CLVS1: variants seen among roughly 807,000 people sequenced by gnomAD.
The protein encoded by CLVS1 is clavesin-1.
CLVS1 carries 10 observed loss-of-function variants against 33.1 expected under a neutral mutation model. The ratio of observed to expected loss-of-function variants is 0.30; its 90% confidence interval spans 0.19 to 0.51. CLVS1 has a LOEUF of 0.51. Among genes scored for constraint, CLVS1 ranks in the 20% least tolerant of loss-of-function variants. CLVS1 has a pLI of 0.97. For missense variants in CLVS1, 343 were observed against 433.4 expected, an observed-to-expected ratio of 0.79 and a Z score of 1.85; for synonymous variants, 163 against 166.1, an observed-to-expected ratio of 0.98 and a Z score of 0.14.
At chr8:61,142,377 A>C (rs1806322841) in intron 2 of CLVS1, among the ~76,000 whole-genome samples, 1 of 152,154 alleles carries the variant, frequency 6.6e-6, no homozygotes, top group Non-Finnish European at 1.5e-5. Context: ...AGTTAATTAA[A>C]CCTCTTTCCT....
chr8:61,147,247 G>A (rs1307748044), intron 2 of CLVS1, among the ~76,000 whole-genome samples: 1 of 152,164 alleles, frequency 6.6e-6, no homozygotes, highest in Non-Finnish European at 1.5e-5. Context: ...TCATGAGCAA[G>A]GTCTTTAAAT....
chr8:61,237,980 G>C (rs893809865), intron 2 of CLVS1, among the ~76,000 whole-genome samples: 7 of 152,134 alleles, frequency 4.6e-5, no homozygotes, highest in Admixed American at 2.6e-4. Context: ...TCCAAGCCGA[G>C]GCTGAATTAG....
At chr8:61,467,771 T>C (rs553378484) in intron 5 of CLVS1, among the ~76,000 whole-genome samples, 1 of 152,166 alleles carries the variant, frequency 6.6e-6, no homozygotes, top group African/African-American at 2.4e-5. Context: ...GAAGCCTCTG[T>C]TTGCAGGGTA....
intron 5 of CLVS1, among the ~76,000 whole-genome samples, chr8:61,476,472 T>C (rs1225684582): frequency 1.3e-5 from 2 of 152,222 alleles, no homozygotes; most frequent in African/African-American, 4.8e-5. Context: ...TTTTATTTCA[T>C]TGAGCAGTGG....
chr8:61,480,411 C>T (rs751122255), intron 5 of CLVS1, among the ~76,000 whole-genome samples: 9 of 152,276 alleles, frequency 5.9e-5, no homozygotes, highest in African/African-American at 2.2e-4. Context: ...CTTGGTGTGC[C>T]GTTTGTTAAG....
At chr8:61,143,517 A>C (rs1366413171) in intron 2 of CLVS1, among the ~76,000 whole-genome samples, 1 of 152,074 alleles carries the variant, frequency 6.6e-6, no homozygotes. Flanking sequence ...GCTTACTAGT[A>C]GCAAACACCT....
chr8:61,218,112 A>C (rs935518303), intron 2 of CLVS1, among the ~76,000 whole-genome samples: 1 of 152,232 alleles, frequency 6.6e-6, no homozygotes, highest in African/African-American at 2.4e-5. Flanking sequence ...AAAAACTACC[A>C]ATAGAAATAC....
chr8:61,267,817 G>A (rs1346020696), intron 2 of CLVS1, among the ~76,000 whole-genome samples: 1 of 152,054 alleles, frequency 6.6e-6, no homozygotes, highest in South Asian at 2.1e-4. Context: ...TCATAAAATA[G>A]GCTTTAATTT....
chr8:61,479,272 G>C (rs959380370), intron 5 of CLVS1, among the ~76,000 whole-genome samples: 1 of 152,094 alleles, frequency 6.6e-6, no homozygotes, highest in Non-Finnish European at 1.5e-5. Flanking sequence ...TGGAGGCTTT[G>C]TTCATTTCTT....
chr8:61,067,882 C>G (rs1455094169), intron 1 of CLVS1, among the ~76,000 whole-genome samples: 2 of 151,978 alleles, frequency 1.3e-5, no homozygotes, highest in Non-Finnish European at 2.9e-5. Context: ...ACTATGTTCA[C>G]TACCTGGGTG....
chr8:61,188,266 C>T (rs59038652), intron 2 of CLVS1, among the ~76,000 whole-genome samples: 63 of 152,136 alleles, frequency 4.1e-4, no homozygotes, highest in African/African-American at 1.4e-3. Context: ...TAAGTTGTTC[C>T]TGATAATGTT....
intron 2 of CLVS1, among the ~76,000 whole-genome samples, chr8:61,366,208 A>G (rs4738886): frequency 0.38 from 57,823 of 152,034 alleles, 13,318 homozygotes; most frequent in East Asian, 0.64. Context: ...AGAGAGCTAC[A>G]TGAAATAAAC....
chr8:61,309,713 T>C (rs1810768445), intron 2 of CLVS1, among the ~76,000 whole-genome samples: 1 of 152,210 alleles, frequency 6.6e-6, no homozygotes, highest in Admixed American at 6.5e-5. Context: ...ATGTTACCAG[T>C]CACTGCTGAC....
At chr8:61,087,631 T>G (rs34985102) in intron 1 of CLVS1, among the ~76,000 whole-genome samples, 11,516 of 152,200 alleles carry the variant, frequency 0.076, 573 homozygotes, top group South Asian at 0.22. Context: ...ACGTTGAAGA[T>G]GCCCTAATTT....
chr8:60,982,897 C>A, the CLVS1 span, among the ~76,000 whole-genome samples: 1 of 152,082 alleles, frequency 6.6e-6, no homozygotes, highest in Non-Finnish European at 1.5e-5. Context: ...ACAGTCACAT[C>A]CACTGTACTT....
intron 3 of CLVS1, among the ~76,000 whole-genome samples, chr8:61,388,952 C>G (rs894173709): frequency 6.6e-6 from 1 of 152,104 alleles, no homozygotes; most frequent in African/African-American, 2.4e-5. Context: ...CCTCTAATAT[C>G]CTCTGTTCTA....
At chr8:61,132,639 G>A (rs924648535) in intron 2 of CLVS1, among the ~76,000 whole-genome samples, 1 of 152,166 alleles carries the variant, frequency 6.6e-6, no homozygotes, top group Non-Finnish European at 1.5e-5. Context: ...CTATTTGTTG[G>A]GTTTTACTAG....
At chr8:61,038,247 C>A in the CLVS1 span, among the ~76,000 whole-genome samples, 1 of 152,080 alleles carries the variant, frequency 6.6e-6, no homozygotes, top group South Asian at 2.1e-4. Flanking sequence ...GAATATCCTT[C>A]TGCTTCCGTG....
chr8:61,167,502 T>C (rs1005408536), intron 2 of CLVS1, among the ~76,000 whole-genome samples: 4 of 152,116 alleles, frequency 2.6e-5, no homozygotes, highest in African/African-American at 9.7e-5. Flanking sequence ...TAATTTTTAA[T>C]GTGTACCCTT....
Sources: gnomAD v4.1 joint callset for allele counts (sites outside exome capture counted in the v4.1 genomes callset) on GRCh38, gnomAD v4.1.1 for gene constraint, MANE v1.5 for transcripts, NCBI Gene and HGNC (gene_info 2026-07-23, HGNC 2026-07-21) for gene names.